The following ASPH variants were observed in gnomAD, a reference collection of about 807,000 sequenced individuals.
ASPH encodes aspartate beta-hydroxylase.
In ASPH, 100 loss-of-function variants were observed where a neutral mutation model predicts 118.4. The ratio of observed to expected loss-of-function variants is 0.84; its 90% CI spans 0.72 to 1.00. The LOEUF is 1.00. ASPH is among the 50% of genes least tolerant of loss of function. The pLI is 0.00. For missense variants in ASPH, 920 were observed against 919.5 expected (o/e 1.00, Z -0.01); for synonymous variants, 315 against 325.6 (o/e 0.97, Z 0.35).
At chr8:61,522,094 A>G (rs1813296609) in intron 22 of ASPH, among the ~76,000 whole-genome samples, 1 of 152,210 alleles carries the variant, frequency 6.6e-6, no homozygotes, top group African/African-American at 2.4e-5. Flanking sequence ...ACTTATTAAG[A>G]TAAGAGCAAA....
chr8:61,615,469 C>G (rs1237648407), intron 14 of ASPH, among the ~76,000 whole-genome samples: 2 of 152,216 alleles, frequency 1.3e-5, no homozygotes, highest in Non-Finnish European at 2.9e-5. Flanking sequence ...CCTATACACA[C>G]TAAAAAGCAA....
intron 3 of ASPH, chr8:61,665,008 A>G (rs1282889817): frequency 1.6e-6 from 2 of 1,238,280 alleles, no homozygotes; most frequent in Non-Finnish European, 2.0e-6. Context: ...TTATCTGAAT[A>G]CATGATCAAT....
At chr8:61,578,917 G>C in intron 15 of ASPH, 1 of 1,611,648 alleles carries the variant, frequency 6.2e-7, no homozygotes, top group Non-Finnish European at 8.5e-7. Flanking sequence ...AAGGAGATCC[G>C]GGAGCTGCAG....
At chr8:61,508,546 T>C (rs1044892621) in intron 24 of ASPH, among the ~76,000 whole-genome samples, 3 of 152,156 alleles carry the variant, frequency 2.0e-5, no homozygotes, top group African/African-American at 7.2e-5. Flanking sequence ...TGATACTAGG[T>C]GCTTATAGAG....
chr8:61,590,872 C>T (rs1441786636), intron 14 of ASPH, among the ~76,000 whole-genome samples: 2 of 152,082 alleles, frequency 1.3e-5, no homozygotes, highest in South Asian at 2.1e-4. Flanking sequence ...TTTGAGACCT[C>T]GTTTAAATGT....
intron 18 of ASPH, among the ~76,000 whole-genome samples, chr8:61,558,911 A>T (rs1828839049): frequency 6.6e-6 from 1 of 152,162 alleles, no homozygotes; most frequent in African/African-American, 2.4e-5. Context: ...ACTCCCCCTC[A>T]TCCTCCTCCT....
chr8:61,638,300 T>G (rs780329705), intron 11 of ASPH, 22 bp downstream of exon 11: 2 of 1,598,672 alleles, frequency 1.3e-6, no homozygotes, highest in Admixed American at 3.6e-5. Context: ...GCAGAAAATA[T>G]GTGCTTACAG....
intron 14 of ASPH, among the ~76,000 whole-genome samples, chr8:61,605,447 A>G (rs1358840561): frequency 6.6e-6 from 1 of 152,236 alleles, no homozygotes; most frequent in Non-Finnish European, 1.5e-5. Context: ...CATGTTTTAT[A>G]CATGGGAGAA....
intron 14 of ASPH, among the ~76,000 whole-genome samples, chr8:61,584,245 A>G (rs1364187741): frequency 6.6e-6 from 1 of 152,188 alleles, no homozygotes; most frequent in African/African-American, 2.4e-5. Flanking sequence ...CCTATCTGCT[A>G]CAATGTGTTC....
intron 3 of ASPH, among the ~76,000 whole-genome samples, chr8:61,676,924 A>T (rs1409339944): frequency 6.6e-6 from 1 of 152,020 alleles, no homozygotes; most frequent in Non-Finnish European, 1.5e-5. Flanking sequence ...GCAAAAATAC[A>T]CTCAAATTAT....
chr8:61,523,018 C>T (rs1162020938), intron 22 of ASPH, among the ~76,000 whole-genome samples: 1 of 152,136 alleles, frequency 6.6e-6, no homozygotes, highest in Non-Finnish European at 1.5e-5. Context: ...ATTTTACTTC[C>T]CAAAACTTCC....
rs1288566133 is a variant in ASPH, at chr8:61,663,092, A to G, written c.323-9432T>C. The G allele has an allele frequency of 3.0e-6, 3 of 985,252 alleles. No homozygotes were observed. In the African/African-American group the frequency reaches 5.2e-5, roughly 17 times the overall value. 61.0% of individuals were successfully genotyped at this position (985,252 alleles called of 1,614,324 possible). On this transcript the variant is annotated intron_variant, in intron 3 of 24. Coordinates refer to ENST00000379454, the MANE Select transcript of ASPH (RefSeq NM_004318.4). ...TACATAAGTTTTAAAAAAACATTCC[A>G]TTTATCTCAGGAGAAAAGATCTAAC...
intron 14 of ASPH, among the ~76,000 whole-genome samples, chr8:61,613,519 T>A (rs1848108513): frequency 6.6e-6 from 1 of 152,178 alleles, no homozygotes; most frequent in Admixed American, 6.5e-5. Context: ...TAATAAGCTT[T>A]TTGTCTAGAA....
chr8:61,513,107 T>C (rs1809525551), intron 24 of ASPH, among the ~76,000 whole-genome samples: 1 of 152,232 alleles, frequency 6.6e-6, no homozygotes, highest in Non-Finnish European at 1.5e-5. Flanking sequence ...AATCCGATTA[T>C]TAATACCTGA....
chr8:61,507,529 AGAAT>A (rs1807083823), intron 24 of ASPH, among the ~76,000 whole-genome samples: 1 of 152,238 alleles, frequency 6.6e-6, no homozygotes, highest in Non-Finnish European at 1.5e-5. Context: ...TATTAGAGAT[AGAAT>A]GACTAAAACT....
intron 13 of ASPH, among the ~76,000 whole-genome samples, chr8:61,627,631 CT>C (rs1438890159): frequency 1.3e-5 from 2 of 152,048 alleles, no homozygotes; most frequent in Non-Finnish European, 2.9e-5. Flanking sequence ...ATTTTCTGGA[CT>C]TTGATTTGAG....
At chr8:61,579,507 C>T (rs1468069606) in intron 15 of ASPH, 2 of 1,572,528 alleles carry the variant, frequency 1.3e-6, no homozygotes, top group Non-Finnish European at 1.7e-6. Context: ...CTATGGGGGC[C>T]TCACAAGCCC....
chr8:61,578,386 G>C, intron 15 of ASPH: 4 of 1,605,050 alleles, frequency 2.5e-6, no homozygotes, highest in South Asian at 2.2e-5. Flanking sequence ...GGCTATAGTG[G>C]GGCCAGCGGC....
At chr8:61,545,556 T>A (rs1823532386) in intron 21 of ASPH, among the ~76,000 whole-genome samples, 1 of 152,152 alleles carries the variant, frequency 6.6e-6, no homozygotes, top group Non-Finnish European at 1.5e-5. Flanking sequence ...GAGAAGTCCA[T>A]TTGGGGAACA....
Sources: allele counts gnomAD v4.1 joint callset (sites outside exome capture counted in the v4.1 genomes callset), GRCh38; gene constraint gnomAD v4.1.1; transcripts MANE v1.5; gene names NCBI Gene and HGNC (gene_info 2026-07-23, HGNC 2026-07-21).